SPAG9: variants seen among roughly 807,000 people sequenced by gnomAD.
SPAG9 encodes the protein sperm associated antigen 9, also known as C-Jun-amino-terminal kinase-interacting protein 4.
In SPAG9, 35 loss-of-function variants were observed where a neutral mutation model predicts 166.5. That is an observed-to-expected ratio of 0.21 (90% confidence interval 0.16 to 0.28). The LOEUF is 0.28. Among genes scored for constraint, SPAG9 ranks in the 10% least tolerant of loss-of-function variants. The pLI, the probability that SPAG9 is intolerant of heterozygous loss-of-function variation, is 1.00. For missense variants in SPAG9, 1,235 were observed against 1,603.3 expected, an observed-to-expected ratio of 0.77 and a Z score of 3.92; for synonymous variants, 534 against 565.5, an observed-to-expected ratio of 0.94 and a Z score of 0.79.
chr17:51,000,587 T>C (rs1567982416), intron 13 of SPAG9, among the ~76,000 whole-genome samples: 1 of 151,834 alleles, frequency 6.6e-6, no homozygotes, highest in Non-Finnish European at 1.5e-5. Flanking sequence ...ATACAAAAAT[T>C]AGCTGGGCAT....
chr17:50,992,718 T>C (rs1975694864), intron 19 of SPAG9, among the ~76,000 whole-genome samples: 1 of 152,000 alleles, frequency 6.6e-6, no homozygotes, highest in Non-Finnish European at 1.5e-5. Context: ...AGGGTAGATC[T>C]CAGGCTGGGT....
In SPAG9 at chr17:50,985,075, C is replaced by A. The variant is rs551955217; in HGVS notation, c.3021-85G>T. 3 of 1,126,510 alleles carry A rather than the reference C, an allele frequency of 2.7e-6. No homozygotes were observed. In the East Asian group the frequency reaches 7.1e-5, roughly 27 times the overall value. The allele number at this position is 1,126,510 out of a possible 1,614,324, so 69.8% of individuals were successfully genotyped here. ...GCTACTGAACTAGTTCAAGGCCTCA[C>A]AAAGGGCCAATCTGTGATGAGTTAA... On this transcript the variant is annotated intron_variant, in intron 23 of 29. Transcript: ENST00000262013.
chr17:51,108,658 G>A (rs1467785978), intron 1 of SPAG9, among the ~76,000 whole-genome samples: 4 of 151,618 alleles, frequency 2.6e-5, no homozygotes, highest in East Asian at 3.9e-4. Flanking sequence ...CACCACACTC[G>A]GCTAATTTTT....
At chr17:51,007,114 TGTGTGTGTGTG>T (rs1567990268) in intron 10 of SPAG9, among the ~76,000 whole-genome samples, 144 bp downstream of exon 10, 1 of 146,798 alleles carries the variant, frequency 6.8e-6, no homozygotes, top group Non-Finnish European at 1.5e-5. Flanking sequence ...CATTAGGGTG[TGTGTGTGTGTG>T]TGTGTGTGTG....
intron 2 of SPAG9, among the ~76,000 whole-genome samples, chr17:51,057,047 G>T (rs1312719053): frequency 2.6e-5 from 4 of 152,152 alleles, no homozygotes; most frequent in Non-Finnish European, 5.9e-5. Context: ...CTGAGATACA[G>T]AATGTCAGGA....
rs2046842841 is a variant in SPAG9, at chr17:51,041,638, T to C, written c.604A>G (p.Ile202Val). The C allele has an allele frequency of 3.7e-6, 6 of 1,610,208 alleles. No homozygotes were observed. The highest frequency in any genetic ancestry group is 5.1e-6 in the Non-Finnish European group (6 of 1,178,932). ...GGTAATGGGAAAATTCCTAATGATA[T>C]AGGGCGTTCTTTTCTATTTGAAGAG... is the stretch of plus-strand genomic sequence containing the variant. Reference protein sequence around the residue: ...AHSRIRKERPISLGIFPLPAG... With the variant: ...AHSRIRKERPVSLGIFPLPAG... Residue 202 changes from isoleucine (I) to valine (V), a missense_variant, in exon 5 of 30, where the codon ATA becomes GTA. This residue lies in a region of SPAG9 where 288 missense variants were observed against 323.7 expected (regional missense o/e 0.89). Transcript: ENST00000262013.
chr17:51,087,531 C>T (rs1439264041), intron 1 of SPAG9, among the ~76,000 whole-genome samples: 1 of 152,030 alleles, frequency 6.6e-6, no homozygotes, highest in Admixed American at 6.6e-5. Flanking sequence ...TATACCTAAC[C>T]TTTTCATACT....
intron 5 of SPAG9, chr17:51,032,029 C>T: frequency 4.1e-6 from 2 of 489,122 alleles, no homozygotes; most frequent in South Asian, 1.7e-5. Flanking sequence ...GATGTTTATT[C>T]CAGTCCCTTT....
intron 1 of SPAG9, among the ~76,000 whole-genome samples, chr17:51,104,969 G>A (rs1416938764): frequency 1.4e-5 from 2 of 146,942 alleles, no homozygotes; most frequent in African/African-American, 5.1e-5. Flanking sequence ...GGTGGCAGGC[G>A]CCTGTAGTCC....
At chr17:50,988,575 CAG>C (rs1399000929) in intron 21 of SPAG9, among the ~76,000 whole-genome samples, 1 of 152,198 alleles carries the variant, frequency 6.6e-6, no homozygotes, top group Non-Finnish European at 1.5e-5. Context: ...TTTTCTGAGA[CAG>C]AGTCTTGTTC....
At chr17:51,112,369 A>C (rs1326738349) in intron 1 of SPAG9, among the ~76,000 whole-genome samples, 1 of 131,372 alleles carries the variant, frequency 7.6e-6, no homozygotes, top group Non-Finnish European at 1.6e-5. Context: ...CCCCATCTCT[A>C]CAAAAAAAAA....
At chr17:50,987,015 A>C (rs1975094874) in intron 22 of SPAG9, 97 bp downstream of exon 22, 9 of 1,247,878 alleles carry the variant, frequency 7.2e-6, no homozygotes, top group Non-Finnish European at 8.9e-6. Context: ...GCATTAATCC[A>C]CACTTTTTGT....
At chr17:51,080,257 T>A (rs2048122334) in intron 1 of SPAG9, among the ~76,000 whole-genome samples, 1 of 151,990 alleles carries the variant, frequency 6.6e-6, no homozygotes, top group Admixed American at 6.6e-5. Flanking sequence ...GATTGTTGTA[T>A]CAGCAACATC....
chr17:51,010,782 A>G (rs1208616695), intron 9 of SPAG9, among the ~76,000 whole-genome samples: 1 of 151,978 alleles, frequency 6.6e-6, no homozygotes, highest in African/African-American at 2.4e-5. Flanking sequence ...AGCTTTATAC[A>G]TGTCAAACGT....
Position 50,966,148 on chromosome 17 carries a change from G to GA in SPAG9, c.*123dup, listed in dbSNP as rs1290376665. 4 of 710,400 alleles carry GA rather than the reference G, an allele frequency of 5.6e-6. No individual in the cohort carries two copies. The highest frequency in any genetic ancestry group is 5.3e-5 in the African/African-American group (3 of 56,866). 44.0% of individuals were successfully genotyped at this position (710,400 alleles called of 1,614,324 possible). A position where few individuals can be genotyped will look rare whatever the true frequency, so the allele number is the denominator to read the frequency against. On this transcript the variant is annotated 3_prime_UTR_variant, in exon 30 of 30. Coordinates refer to ENST00000262013, the MANE Select transcript of SPAG9 (RefSeq NM_001130528.3). ...GGATTTTGTAATATAAAGTTAACAGGAAAAAATGCTCACACATTATGTGGT... is the reference window on the plus strand; with the variant it reads ...GGATTTTGTAATATAAAGTTAACAGGAAAAAAATGCTCACACATTATGTGGT...
At chr17:51,100,176 C>G (rs990602949) in intron 1 of SPAG9, among the ~76,000 whole-genome samples, 1 of 152,188 alleles carries the variant, frequency 6.6e-6, no homozygotes, top group Non-Finnish European at 1.5e-5. Context: ...AGATAACAAA[C>G]TTTAATGCTT....
chr17:50,968,654 C>T (rs750433129), intron 29 of SPAG9, among the ~76,000 whole-genome samples: 3 of 152,106 alleles, frequency 2.0e-5, no homozygotes, highest in Admixed American at 2.0e-4. Context: ...TTGCTTGAAA[C>T]CGGGAGGTGG....
intron 14 of SPAG9, 79 bp downstream of exon 14, chr17:50,999,582 A>C: frequency 8.0e-6 from 12 of 1,492,618 alleles, no homozygotes; most frequent in Non-Finnish European, 9.2e-6. Context: ...ATGGACATAA[A>C]ATCATTCTTG....
intron 2 of SPAG9, among the ~76,000 whole-genome samples, chr17:51,077,005 G>GCTAGCTAGCTAGCTATCTAGCTATCTAT (rs2047997323): frequency 4.3e-5 from 4 of 92,526 alleles, no homozygotes; most frequent in South Asian, 6.5e-4. Context: ...TAGCTATCTA[G>GCTAGCTAGCTAGCTATCTAGCTATCTAT]CTAGCTAGCT....
Sources: allele counts gnomAD v4.1 joint callset (sites outside exome capture counted in the v4.1 genomes callset), GRCh38; gene constraint gnomAD v4.1.1; regional missense constraint gnomAD v4.1.1; transcripts MANE v1.5; gene names NCBI Gene and HGNC (gene_info 2026-07-23, HGNC 2026-07-21).